SLC20A2: variants seen among roughly 807,000 people sequenced by gnomAD.
SLC20A2 encodes solute carrier family 20 member 2, also known as sodium-dependent phosphate transporter 2.
A neutral mutation model predicts 61.0 loss-of-function variants in SLC20A2; 30 were observed. The ratio of observed to expected loss-of-function variants is 0.49; its 90% confidence interval spans 0.37 to 0.67. The LOEUF is 0.67. SLC20A2 is among the 30% of genes least tolerant of loss of function. The pLI is 0.00. For missense variants in SLC20A2, 626 were observed against 866.4 expected (o/e 0.72, Z 3.48); for synonymous variants, 351 against 353.3 (o/e 0.99, Z 0.07).
intron 1 of SLC20A2, among the ~76,000 whole-genome samples, chr8:42,533,651 G>GTTTTTTTTTTTTTTTTTTTTTTTTT (rs1554577829): frequency 2.2e-5 from 2 of 89,730 alleles, no homozygotes; most frequent in Non-Finnish European, 4.1e-5. Flanking sequence ...ATGATCAACT[G>GTTTTTTTTTTTTTTTTTTTTTTTTT]TTCTTTTTTT....
chr8:42,490,406 T>C (rs1306237370), intron 1 of SLC20A2, among the ~76,000 whole-genome samples: 1 of 152,090 alleles, frequency 6.6e-6, no homozygotes, highest in Non-Finnish European at 1.5e-5. Flanking sequence ...AAGACCAGCC[T>C]GGCCAAAATG....
At chr8:42,537,311 G>A (rs1166371266) in intron 1 of SLC20A2, among the ~76,000 whole-genome samples, 1 of 148,762 alleles carries the variant, frequency 6.7e-6, no homozygotes, top group Non-Finnish European at 1.5e-5. Context: ...TTGAGGCAGA[G>A]GCTGCAGTGA....
chr8:42,489,179 T>C (rs1208042936), intron 1 of SLC20A2, among the ~76,000 whole-genome samples: 2 of 152,148 alleles, frequency 1.3e-5, no homozygotes, highest in Non-Finnish European at 2.9e-5. Context: ...CTTCGGGTGA[T>C]CCACCCGCTT....
Position 42,465,781 on chromosome 8 carries a change from C to A in SLC20A2, c.426G>T (p.Lys142Asn). The part of the protein sequence containing the change: ...TKGVQWMELV[K>N]IVASWFISPL... Reference sequence around the variant, plus strand: ...GTAAAAGAAAATGCCAATTACCAATCTTGACAAGCTCCATCCACTGCACAC... The same window carrying A: ...GTAAAAGAAAATGCCAATTACCAATATTGACAAGCTCCATCCACTGCACAC... Residue 142 changes from lysine (K) to asparagine (N), a missense_variant, in exon 3 of 11, where the codon AAG becomes AAT. Transcript: ENST00000520262. 6.3e-7 allele frequency: 1 copy of A among 1,589,352 alleles called. No individual in the cohort carries two copies. The highest frequency in any genetic ancestry group is 8.5e-7 in the Non-Finnish European group (1 of 1,171,888).
rs544963533 is a variant in SLC20A2 at position 42,449,588 on chromosome 8, C to A, written c.614-4826G>T. 2.0e-5 allele frequency among the ~76,000 whole-genome samples: 3 copies of A among 152,308 alleles called. No individual in the cohort carries two copies. The East Asian group carries it at 5.8e-4, about 29-fold the overall frequency. On this transcript the variant is annotated intron_variant, in intron 5 of 10. Coordinates refer to ENST00000520262, the MANE Select transcript of SLC20A2 (RefSeq NM_001257180.2). ...GGACCAATAAGGCTTTAGTCTATAT[C>A]AGTTTCCTTATATCATGACCCATCA...
At chr8:42,501,480 T>G (rs915067854), upstream of SLC20A2, 1 of 152,170 alleles carries the variant, frequency 6.6e-6, no homozygotes, top group African/African-American at 2.4e-5. Context: ...AGACCAAACT[T>G]TGGCAACAAG....
chr8:42,482,558 A>G (rs1283019281), intron 1 of SLC20A2, among the ~76,000 whole-genome samples: 1 of 152,082 alleles, frequency 6.6e-6, no homozygotes, highest in African/African-American at 2.4e-5. Context: ...AGATCAGCCT[A>G]GGCATCATGG....
At chr8:42,533,283 G>C (rs961588084) in intron 1 of SLC20A2, among the ~76,000 whole-genome samples, 1 of 152,116 alleles carries the variant, frequency 6.6e-6, no homozygotes. Flanking sequence ...CTTACGGCAA[G>C]TGCTCTTCGT....
In SLC20A2 at chr8:42,447,550, C is replaced by T. The variant is rs546671419; in HGVS notation, c.614-2788G>A. On this transcript the variant is annotated intron_variant, in intron 5 of 10. Coordinates refer to ENST00000520262, the MANE Select transcript of SLC20A2 (RefSeq NM_001257180.2). ...AAAATTAGCCAGGCGTGGTGGTGGG[C>T]ACCTGTAGTCCCAGCTACTCCGGAG... is the stretch of plus-strand genomic sequence containing the variant. Among the ~76,000 whole-genome samples the T allele has an allele frequency of 4.7e-4, 72 of 151,874 alleles. 1 individual carries two copies. The East Asian group carries it at 0.013, about 27-fold the overall frequency.
intron 6 of SLC20A2, 101 bp downstream of exon 6, chr8:42,444,545 C>T: frequency 1.1e-6 from 1 of 880,256 alleles, no homozygotes; most frequent in Non-Finnish European, 1.9e-6. Flanking sequence ...GAGTCACCCA[C>T]ACTTCCATTT....
At chr8:42,439,758 T>A in intron 6 of SLC20A2, 105 bp from the exon 7 acceptor site, 1 of 902,944 alleles carries the variant, frequency 1.1e-6, no homozygotes. Context: ...GCACTGATTT[T>A]GGAAACAAAA....
At chr8:42,480,791 C>T (rs965063092) in intron 1 of SLC20A2, among the ~76,000 whole-genome samples, 2 of 152,176 alleles carry the variant, frequency 1.3e-5, no homozygotes, top group Admixed American at 1.3e-4. Context: ...TCTCCAGTAG[C>T]TCAGACTACA....
chr8:42,466,021 A>C, intron 2 of SLC20A2, 104 bp from the exon 3 acceptor site: 1 of 1,034,590 alleles, frequency 9.7e-7, no homozygotes, highest in East Asian at 2.7e-5. Flanking sequence ...CCAGAGTTTA[A>C]TTTTCTGTGA....
intron 1 of SLC20A2, among the ~76,000 whole-genome samples, chr8:42,486,693 G>T (rs1364929884): frequency 2.6e-5 from 4 of 152,168 alleles, no homozygotes; most frequent in Non-Finnish European, 4.4e-5. Flanking sequence ...AGTTCCACTG[G>T]ACTTGACAGT....
chr8:42,528,650 G>A (rs549717017), intron 1 of SLC20A2, among the ~76,000 whole-genome samples: 15 of 151,936 alleles, frequency 9.9e-5, no homozygotes, highest in African/African-American at 2.9e-4. Flanking sequence ...ATCATATCCT[G>A]CCTCAATGTC....
rs1190927976 is a variant in SLC20A2, at chr8:42,464,283, C to CT, written c.431-1194dup. On this transcript the variant is annotated intron_variant, in intron 3 of 10. Coordinates refer to ENST00000520262, the MANE Select transcript of SLC20A2 (RefSeq NM_001257180.2). Reference sequence around the variant, plus strand: ...CCATCACACCAGGCTAATTTTCTTTCTTTTTTTTTTTTTTTTGTTGTAAAG... The same window carrying CT: ...CCATCACACCAGGCTAATTTTCTTTCTTTTTTTTTTTTTTTTTGTTGTAAAG... 5.8e-3 allele frequency among the ~76,000 whole-genome samples: 740 copies of CT among 128,550 alleles called. 6 individuals carry two copies. The highest frequency in any genetic ancestry group is 8.1e-3 in the Middle Eastern group (2 of 246). 84.3% of individuals were successfully genotyped at this position (128,550 alleles called of 152,430 possible).
intron 1 of SLC20A2, among the ~76,000 whole-genome samples, chr8:42,533,068 G>C (rs188212963): frequency 9.8e-4 from 150 of 152,292 alleles, no homozygotes; most frequent in African/African-American, 3.1e-3. Context: ...ATGCAGAACA[G>C]GCCTATCAGG....
At chr8:42,450,086 T>C (rs1313704839) in intron 5 of SLC20A2, among the ~76,000 whole-genome samples, 1 of 152,302 alleles carries the variant, frequency 6.6e-6, no homozygotes, top group Non-Finnish European at 1.5e-5. Context: ...TTCAAAGCAT[T>C]AGAGGAGCTA....
intron 1 of SLC20A2, among the ~76,000 whole-genome samples, chr8:42,497,985 G>A (rs1390605063): frequency 6.6e-6 from 1 of 152,102 alleles, no homozygotes; most frequent in Non-Finnish European, 1.5e-5. Flanking sequence ...AGAAGCTGAA[G>A]GCATTTCCCT....
Sources: allele counts gnomAD v4.1 joint callset (sites outside exome capture counted in the v4.1 genomes callset), GRCh38; gene constraint gnomAD v4.1.1; transcripts MANE v1.5; gene names NCBI Gene and HGNC (gene_info 2026-07-23, HGNC 2026-07-21).